HBP1: variants seen among roughly 807,000 people sequenced by gnomAD.
The protein encoded by HBP1 is HMG box-containing protein 1.
Under a neutral mutation model 62.6 loss-of-function variants are expected in HBP1, and 20 were observed. That is an observed-to-expected ratio of 0.32 (90% CI 0.22 to 0.46). HBP1 has a LOEUF of 0.46. Among genes scored for constraint, HBP1 ranks in the 20% least tolerant of loss-of-function variants. HBP1 has a pLI of 1.00. For synonymous variants in HBP1, 232 were observed against 206.2 expected (o/e 1.12, Z -1.07); for missense variants, 480 against 611.8 (o/e 0.78, Z 2.27).
chr7:107,195,940 G>T lies in HBP1; in HGVS notation c.1174G>T (p.Ala392Ser). The T allele has an allele frequency of 6.2e-7, 1 of 1,613,974 alleles. No individual in the cohort carries two copies. Among genetic ancestry groups the T allele is most frequent in the Non-Finnish European group, 8.5e-7 (1 of 1,179,888 alleles). ...TGGAGGACCTGGTGGTCAAGACTTT[G>T]CAAGATCTGGATTCAGTAAAAACTG... is the stretch of plus-strand genomic sequence containing the variant. The part of the protein sequence containing the change: ...SCGGPGGQDF[A>S]RSGFSKNCGS... The change falls in exon 9 of 11, where the codon GCA (alanine) becomes TCA (serine). Residue 392 changes from alanine to serine, a missense_variant. By Grantham distance (99) the Ala-to-Ser change is moderately conservative. Around this residue, in one of 4 missense-constraint regions of HBP1, gnomAD observed 66 missense variants for 56.4 expected, o/e 1.17. Transcript: ENST00000222574.
At chr7:107,185,215 T>A (rs910051659) in intron 3 of HBP1, among the ~76,000 whole-genome samples, 2 of 152,168 alleles carry the variant, frequency 1.3e-5, no homozygotes, top group African/African-American at 4.8e-5. Flanking sequence ...AACTAGACCT[T>A]ATATGTAGTT....
At chr7:107,182,873 C>T (rs1797176470) in intron 3 of HBP1, among the ~76,000 whole-genome samples, 1 of 152,094 alleles carries the variant, frequency 6.6e-6, no homozygotes, top group Non-Finnish European at 1.5e-5. Context: ...TTTTACTATA[C>T]ATTTCTACAT....
chr7:107,169,157 G>C lies in HBP1; in HGVS notation c.-44G>C. 8.7e-7 allele frequency: 1 copy of C among 1,146,564 alleles called. No homozygotes were observed. The highest frequency in any genetic ancestry group is 1.6e-5 in the South Asian group (1 of 61,602). The allele number at this position is 1,146,564 out of a possible 1,614,324, so 71.0% of individuals were successfully genotyped here. On this transcript the variant is annotated 5_prime_UTR_variant, in exon 1 of 11. Coordinates refer to ENST00000222574, the MANE Select transcript of HBP1 (RefSeq NM_012257.4). ...GGTGTTGTCGTGGCCGGAGCGGCCC[G>C]CGCCTGGGCTGCCGGCACTTCGCGG...
chr7:107,169,132 G>A lies in HBP1; in HGVS notation c.-69G>A, dbSNP rs1045464384. The A allele has an allele frequency of 2.4e-6, 3 of 1,246,932 alleles. No individual in the cohort carries two copies. Among genetic ancestry groups the A allele is most frequent in the East Asian group, 6.1e-5 (1 of 16,346 alleles). 77.2% of individuals were successfully genotyped at this position (1,246,932 alleles called of 1,614,324 possible). ...GAGAGGGGGTACGAGAGCTGCTGGT[G>A]GTGTTGTCGTGGCCGGAGCGGCCCG... On this transcript the variant is annotated 5_prime_UTR_variant, in exon 1 of 11. Transcript: ENST00000222574.
At chr7:107,183,437 C>T (rs957751374) in intron 3 of HBP1, among the ~76,000 whole-genome samples, 1 of 151,342 alleles carries the variant, frequency 6.6e-6, no homozygotes, top group Non-Finnish European at 1.5e-5. Context: ...GCTTTTCTTA[C>T]ATTTAGCAGG....
rs1562893527 is a variant in HBP1, at chr7:107,186,685, G to GA, written c.765+5dup. The GA allele has an allele frequency of 1.9e-6, 3 of 1,547,234 alleles. No individual in the cohort carries two copies. Among genetic ancestry groups the GA allele is most frequent in the Non-Finnish European group, 2.7e-6 (3 of 1,132,066 alleles). On this transcript the variant is annotated splice_donor_region_variant and intron_variant, in intron 6 of 10. Coordinates refer to ENST00000222574, the MANE Select transcript of HBP1 (RefSeq NM_012257.4). ...TCTTCAAATGGGCATTCACAAGGTT[G>GA]ATTTAAAATTCTTAAAAAATTTTTC...
Position 107,202,490 on chromosome 7 carries a change from T to C in HBP1, c.*1059T>C, listed in dbSNP as rs1798402959. 6.6e-6 allele frequency: 1 copy of C among 152,610 alleles called. No homozygotes were observed. Among genetic ancestry groups the C allele is most frequent in the Non-Finnish European group, 1.5e-5 (1 of 68,046 alleles). The allele number at this position is 152,610 out of a possible 1,614,324, so 9.5% of individuals were successfully genotyped here. ...ATTTTGCACACTATATTCTTGTATA[T>C]TATTTCAAATAAATGGAAAAAAAAG... On this transcript the variant is annotated 3_prime_UTR_variant, in exon 11 of 11. Transcript: ENST00000222574.
chr7:107,182,749 C>T (rs1797169930), intron 3 of HBP1, 148 bp downstream of exon 3: 2 of 560,724 alleles, frequency 3.6e-6, no homozygotes, highest in Non-Finnish European at 6.3e-6. Context: ...TGATCAAAGA[C>T]TTATTTCACT....
At chr7:107,186,759 C>G in intron 6 of HBP1, 78 bp downstream of exon 6, 1 of 801,890 alleles carries the variant, frequency 1.2e-6, no homozygotes, top group Non-Finnish European at 2.1e-6. Flanking sequence ...ACAGAAATAT[C>G]CTCCATTCAC....
At chr7:107,199,676 T>G (rs987813203) in intron 9 of HBP1, among the ~76,000 whole-genome samples, 2 of 152,230 alleles carry the variant, frequency 1.3e-5, no homozygotes, top group African/African-American at 4.8e-5. Flanking sequence ...TTTAGTAGGT[T>G]TCATAGCAGA....
chr7:107,175,716 C>CTTTTT (rs1215594002), intron 1 of HBP1, among the ~76,000 whole-genome samples: 5 of 136,506 alleles, frequency 3.7e-5, no homozygotes, highest in Non-Finnish European at 4.8e-5. Flanking sequence ...TCCCTCTCTT[C>CTTTTT]TTTTTTTTTT....
chr7:107,192,988 C>T (rs553949962), intron 8 of HBP1: 7 of 152,332 alleles, frequency 4.6e-5, no homozygotes, highest in African/African-American at 1.7e-4. Context: ...CTGCTCCAAG[C>T]AAATTCTCGG....
rs1331160955 is a variant in HBP1, at chr7:107,171,075, T to TATA, written c.-16+1890_-16+1891insATA. On this transcript the variant is annotated intron_variant, in intron 1 of 10. Transcript: ENST00000222574. Reference sequence around the variant, plus strand: ...TATATATATATATATATATATATATTTTTTTTTTTTTTTGAGAGGGAGTCT... The same window carrying TATA: ...TATATATATATATATATATATATATTATATTTTTTTTTTTTTGAGAGGGAGTCT... Among the ~76,000 whole-genome samples, 125 of 73,484 alleles carry TATA rather than the reference T, an allele frequency of 1.7e-3. 3 individuals are homozygous for TATA. The highest frequency in any genetic ancestry group is 7.5e-3 in the South Asian group (20 of 2,664). 48.2% of individuals were successfully genotyped at this position (73,484 alleles called of 152,430 possible).
intron 8 of HBP1, among the ~76,000 whole-genome samples, chr7:107,191,820 ATATAAT>A (rs1797668032): frequency 6.6e-6 from 1 of 152,228 alleles, no homozygotes; most frequent in Non-Finnish European, 1.5e-5. Flanking sequence ...AATACACATT[ATATAAT>A]TATGTCAGGG....
chr7:107,184,475 A>T (rs1401409933), intron 3 of HBP1, among the ~76,000 whole-genome samples: 2 of 152,174 alleles, frequency 1.3e-5, no homozygotes, highest in African/African-American at 4.8e-5. Context: ...TTCTCAGGGA[A>T]TAAGGGAAAA....
chr7:107,179,983 C>T lies in HBP1; in HGVS notation c.90C>T (p.Asp30=). The T allele has an allele frequency of 3.1e-6, 5 of 1,610,782 alleles. No homozygotes were observed. Among genetic ancestry groups the T allele is most frequent in the Non-Finnish European group, 4.2e-6 (5 of 1,177,336 alleles). The change falls in exon 2 of 11, where the codon GAC becomes GAT. Residue 30 remains aspartate, a synonymous_variant. Transcript: ENST00000222574. ...ACAAGAGAGCCTCAGGAATGAATGA[C>T]TCATTGGAGTTGCTGCAGTGTAATG... ...VMDKRASGMN[D]SLELLQCNEN...
intron 9 of HBP1, chr7:107,197,120 C>A (rs1036374492): frequency 4.6e-5 from 7 of 152,168 alleles, no homozygotes; most frequent in African/African-American, 1.7e-4. Flanking sequence ...CAAGTCCTTC[C>A]TACTCTGTTG....
At chr7:107,196,730 C>T (rs1797923154) in intron 9 of HBP1, 1 of 159,216 alleles carries the variant, frequency 6.3e-6, no homozygotes, top group African/African-American at 2.4e-5. Context: ...CTCACTGTAG[C>T]CTGTATCTCC....
chr7:107,197,681 T>A (rs1327965707), intron 9 of HBP1, among the ~76,000 whole-genome samples: 1 of 152,230 alleles, frequency 6.6e-6, no homozygotes, highest in Non-Finnish European at 1.5e-5. Context: ...AAGAGGCTTT[T>A]TAATACTATT....
Sources: allele counts gnomAD v4.1 joint callset (sites outside exome capture counted in the v4.1 genomes callset), GRCh38; gene constraint gnomAD v4.1.1; regional missense constraint gnomAD v4.1.1; transcripts MANE v1.5; gene names NCBI Gene and HGNC (gene_info 2026-07-23, HGNC 2026-07-21).